Variants in TENM4 observed in about 807,000 individuals in gnomAD.
The protein encoded by TENM4 is teneurin-4.
In TENM4, 82 loss-of-function variants were observed where a neutral mutation model predicts 243.3. That is an observed-to-expected ratio of 0.34 (90% CI 0.28 to 0.40). The LOEUF (loss-of-function observed/expected upper bound fraction) is 0.40, where lower values mean the gene tolerates loss of function less well. TENM4 is among the 10% of genes least tolerant of loss of function. The pLI is 1.00. For synonymous variants in TENM4, 1,412 were observed against 1,456.3 expected (o/e 0.97, Z 0.69); for missense variants, 3,138 against 3,673.3 (o/e 0.85, Z 3.77).
At chr11:78,987,638 C>G (rs1474270688) in intron 6 of TENM4, among the ~76,000 whole-genome samples, 1 of 152,110 alleles carries the variant, frequency 6.6e-6, no homozygotes, top group Non-Finnish European at 1.5e-5. Flanking sequence ...CATGTTATTC[C>G]TTGAAATTCT....
At chr11:79,200,886 T>TA (rs1461724690) in intron 3 of TENM4, among the ~76,000 whole-genome samples, 1 of 152,220 alleles carries the variant, frequency 6.6e-6, no homozygotes, top group African/African-American at 2.4e-5. Flanking sequence ...GTTGCCTTAA[T>TA]ACCCAGAGTC....
At chr11:79,349,848 A>G (rs498900) in intron 1 of TENM4, among the ~76,000 whole-genome samples, 2 of 152,208 alleles carry the variant, frequency 1.3e-5, no homozygotes, top group African/African-American at 4.8e-5. Context: ...CAGACTCACA[A>G]AGCAGTTAGA....
intron 18 of TENM4, among the ~76,000 whole-genome samples, chr11:78,768,847 G>A (rs1408296053): frequency 6.6e-6 from 1 of 152,170 alleles, no homozygotes; most frequent in Non-Finnish European, 1.5e-5. Flanking sequence ...GCTATGGTAT[G>A]CCTATGCCCC....
At chr11:78,912,538 G>A (rs1450258869) in intron 6 of TENM4, among the ~76,000 whole-genome samples, 1 of 152,228 alleles carries the variant, frequency 6.6e-6, no homozygotes, top group Non-Finnish European at 1.5e-5. Flanking sequence ...TTACAGGCGT[G>A]AGCCACCGCG....
intron 1 of TENM4, among the ~76,000 whole-genome samples, chr11:79,386,794 T>C (rs553154233): frequency 1.7e-3 from 265 of 152,236 alleles, no homozygotes; most frequent in Non-Finnish European, 2.6e-3. Context: ...TTTATTTTTT[T>C]AGTGAGCAAA....
At chr11:78,972,322 A>G (rs1042582919) in intron 6 of TENM4, among the ~76,000 whole-genome samples, 3 of 152,036 alleles carry the variant, frequency 2.0e-5, no homozygotes, top group African/African-American at 7.2e-5. Context: ...CTCCTCGACA[A>G]TGGTTATTTT....
intron 10 of TENM4, among the ~76,000 whole-genome samples, chr11:78,860,290 A>T (rs944053754): frequency 5.2e-4 from 79 of 152,228 alleles, no homozygotes; most frequent in African/African-American, 1.9e-3. Context: ...TTAGGCTTTG[A>T]ATGGATAGAT....
chr11:79,434,858 A>G (rs549175137), intron 1 of TENM4, among the ~76,000 whole-genome samples: 1 of 152,316 alleles, frequency 6.6e-6, no homozygotes, highest in South Asian at 2.1e-4. Flanking sequence ...TCTTAAGGAA[A>G]TACTAAAACT....
chr11:79,064,752 T>G lies in TENM4; in HGVS notation c.479A>C (p.Glu160Ala). The change falls in exon 6 of 34, where the codon GAA becomes GCA. Residue 160 changes from glutamate (E) to alanine (A), a missense_variant. This residue lies in a region of TENM4 where 671 missense variants were observed against 614.1 expected (regional missense o/e 1.09). Coordinates refer to ENST00000278550, the MANE Select transcript of TENM4 (RefSeq NM_001098816.3). ...SNLTLTDTEH[E>A]NTETDHPGGL... is the part of the protein sequence containing the mutation. ...CAGCCACTCACCAGTCTCAGTGTTT[T>G]CATGCTCGGTGTCGGTGAGTGTGAG... 1 of 1,551,694 alleles carries G rather than the reference T, an allele frequency of 6.4e-7. No homozygotes were observed. The highest frequency in any genetic ancestry group is 8.7e-7 in the Non-Finnish European group (1 of 1,147,000).
intron 15 of TENM4, among the ~76,000 whole-genome samples, chr11:78,804,058 T>C (rs1857339001): frequency 1.3e-5 from 2 of 152,314 alleles, no homozygotes; most frequent in Admixed American, 1.3e-4. Flanking sequence ...GTCTCAGCCA[T>C]CTTTCTTGGT....
At chr11:78,905,301 T>TA (rs1856037804) in intron 6 of TENM4, among the ~76,000 whole-genome samples, 1 of 152,156 alleles carries the variant, frequency 6.6e-6, no homozygotes, top group Non-Finnish European at 1.5e-5. Context: ...CCATTAGTGT[T>TA]ATGGATTTTT....
chr11:78,662,580 T>C (rs1000122932), intron 32 of TENM4, among the ~76,000 whole-genome samples: 10 of 152,160 alleles, frequency 6.6e-5, no homozygotes, highest in Non-Finnish European at 1.3e-4. Context: ...GGGTTACTAA[T>C]TATAAAATAT....
At chr11:79,208,142 G>A (rs568010495) in intron 3 of TENM4, among the ~76,000 whole-genome samples, 1 of 152,212 alleles carries the variant, frequency 6.6e-6, no homozygotes, top group African/African-American at 2.4e-5. Flanking sequence ...TCAGAGCACG[G>A]GTCATCGGCA....
chr11:79,289,725 G>C (rs954600943), intron 2 of TENM4, among the ~76,000 whole-genome samples: 2 of 152,162 alleles, frequency 1.3e-5, no homozygotes, highest in African/African-American at 2.4e-5. Flanking sequence ...ACTACATCAA[G>C]TATTTGCCAT....
chr11:78,951,537 A>T (rs997080500), intron 6 of TENM4, among the ~76,000 whole-genome samples: 3 of 152,094 alleles, frequency 2.0e-5, no homozygotes, highest in African/African-American at 7.2e-5. Context: ...ATAGAAATTT[A>T]TTTTCCCATA....
intron 30 of TENM4, among the ~76,000 whole-genome samples, chr11:78,673,188 A>G (rs1332529103): frequency 1.3e-5 from 2 of 152,044 alleles, no homozygotes; most frequent in African/African-American, 4.8e-5. Context: ...GCTCCTACAG[A>G]CGTAGTGGTA....
At chr11:79,338,650 G>A (rs1297477561) in intron 1 of TENM4, among the ~76,000 whole-genome samples, 1 of 152,222 alleles carries the variant, frequency 6.6e-6, no homozygotes, top group Admixed American at 6.5e-5. Context: ...ATCCTAAATA[G>A]AGTATGGAAT....
intron 12 of TENM4, among the ~76,000 whole-genome samples, chr11:78,823,723 C>T (rs1275939205): frequency 6.6e-6 from 1 of 152,080 alleles, no homozygotes; most frequent in Admixed American, 6.5e-5. Context: ...TGCCTATTTT[C>T]GTCCCCAGCA....
intron 3 of TENM4, among the ~76,000 whole-genome samples, chr11:79,164,351 A>G (rs11237741): frequency 0.28 from 25,837 of 91,202 alleles, 4,395 homozygotes; most frequent in Non-Finnish European, 0.37. Context: ...TACTATATAG[A>G]TACTATATAT....
Sources: allele counts gnomAD v4.1 joint callset (sites outside exome capture counted in the v4.1 genomes callset), GRCh38; gene constraint gnomAD v4.1.1; regional missense constraint gnomAD v4.1.1; transcripts MANE v1.5; gene names NCBI Gene and HGNC (gene_info 2026-07-23, HGNC 2026-07-21).